BCAP29: variants seen among roughly 807,000 people sequenced by gnomAD.
BCAP29 encodes the protein B cell receptor associated protein 29.
BCAP29 carries 34 observed loss-of-function variants against 31.8 expected under a neutral mutation model. The ratio of observed to expected loss-of-function variants is 1.07; its 90% CI spans 0.81 to 1.42. The LOEUF (loss-of-function observed/expected upper bound fraction) is 1.42, where lower values mean the gene tolerates loss of function less well. Among genes scored for constraint, BCAP29 ranks in the 40% most tolerant of loss-of-function variants. The pLI is 0.00. For missense variants in BCAP29, 314 were observed against 269.2 expected (o/e 1.17, Z -1.16); for synonymous variants, 104 against 91.3 (o/e 1.14, Z -0.79).
chr7:107,589,220 C>T (rs1236839040), intron 3 of BCAP29, among the ~76,000 whole-genome samples: 4 of 152,140 alleles, frequency 2.6e-5, no homozygotes, highest in African/African-American at 9.7e-5. Context: ...TTTCCATATG[C>T]AGGAGCAGGG....
intron 6 of BCAP29, among the ~76,000 whole-genome samples, chr7:107,602,262 G>A (rs911943551): frequency 1.3e-5 from 2 of 152,084 alleles, no homozygotes; most frequent in Non-Finnish European, 2.9e-5. Flanking sequence ...TTTACCCTAA[G>A]TTTTTTTAAA....
chr7:107,593,864 G>GTTT (rs1446765982), intron 3 of BCAP29, 91 bp from the exon 4 acceptor site: 1 of 1,304,886 alleles, frequency 7.7e-7, no homozygotes, highest in African/African-American at 1.5e-5. Context: ...TTATTTAAAA[G>GTTT]TTTGGTCAGT....
intron 5 of BCAP29, among the ~76,000 whole-genome samples, chr7:107,596,221 T>G (rs2129239491): frequency 6.6e-6 from 1 of 152,316 alleles, no homozygotes; most frequent in South Asian, 2.1e-4. Context: ...TTGCTTTTTC[T>G]CCATAGTGGA....
chr7:107,595,601 C>G (rs1317588240), intron 4 of BCAP29, among the ~76,000 whole-genome samples: 1 of 152,164 alleles, frequency 6.6e-6, no homozygotes, highest in Non-Finnish European at 1.5e-5. Flanking sequence ...TCTATTCCTC[C>G]AAGCTAAAGC....
At chr7:107,581,298 G>A (rs1243517928) in intron 2 of BCAP29, among the ~76,000 whole-genome samples, 1 of 152,146 alleles carries the variant, frequency 6.6e-6, no homozygotes, top group African/African-American at 2.4e-5. Flanking sequence ...AGAAACCAAA[G>A]CCAATAAATT....
At chr7:107,591,641 T>C (rs4990591) in intron 3 of BCAP29, among the ~76,000 whole-genome samples, 449 of 41,566 alleles carry the variant, frequency 0.011, 9 homozygotes, top group African/African-American at 0.017. Flanking sequence ...CATACACACA[T>C]ACACACACAC....
At chr7:107,580,698 G>C (rs1806463022) in intron 1 of BCAP29, 61 bp from the exon 2 acceptor site, 1 of 1,177,402 alleles carries the variant, frequency 8.5e-7, no homozygotes, top group East Asian at 2.7e-5. Flanking sequence ...CTGCGCCTCG[G>C]GGCCTTGAAC....
chr7:107,596,001 G>T lies in BCAP29; in HGVS notation c.479G>T (p.Arg160Met). 1 of 1,563,514 alleles carries T rather than the reference G, an allele frequency of 6.4e-7. No homozygotes were observed. The highest frequency in any genetic ancestry group is 1.2e-5 in the South Asian group (1 of 81,978). Residue 160 changes from arginine to methionine, a missense_variant and splice_region_variant, in exon 5 of 8, where the codon AGG becomes ATG. Physicochemically the swap from Arg to Met is moderately conservative, Grantham distance 91. Transcript: ENST00000005259. Reference sequence around the variant, plus strand: ...ATGGAAGAAAACGAAAAACTAAAAAGGGTATTTAATTTTCTTTGTAAAAAT... The same window carrying T: ...ATGGAAGAAAACGAAAAACTAAAAATGGTATTTAATTTTCTTTGTAAAAAT... ...KFMEENEKLK[R>M]ILKSHGKDEE...
chr7:107,608,561 C>A (rs1165758424), intron 6 of BCAP29, among the ~76,000 whole-genome samples: 1 of 152,028 alleles, frequency 6.6e-6, no homozygotes, highest in East Asian at 1.9e-4. Context: ...TTTCCTGCCC[C>A]ATTCTTAGAA....
intron 6 of BCAP29, among the ~76,000 whole-genome samples, chr7:107,607,698 G>A (rs1248418052): frequency 2.1e-5 from 3 of 146,194 alleles, no homozygotes; most frequent in African/African-American, 5.1e-5. Flanking sequence ...GTGCAGTGGC[G>A]CAATCTTGGC....
intron 5 of BCAP29, among the ~76,000 whole-genome samples, chr7:107,599,298 AT>A (rs1810656400): frequency 3.2e-5 from 1 of 31,548 alleles, no homozygotes; most frequent in Non-Finnish European, 6.1e-5. Flanking sequence ...TATATAAATT[AT>A]ATATAAATTT....
chr7:107,623,251 G>C (rs1053129172), downstream of BCAP29: 4 of 152,126 alleles, frequency 2.6e-5, no homozygotes, highest in Non-Finnish European at 4.4e-5. Flanking sequence ...GTCCTATGCA[G>C]CACAAAACCT....
intron 3 of BCAP29, among the ~76,000 whole-genome samples, chr7:107,593,347 T>G (rs1809223288): frequency 6.6e-6 from 1 of 152,322 alleles, no homozygotes; most frequent in Non-Finnish European, 1.5e-5. Flanking sequence ...TTCCCCTGCA[T>G]CTGAGACTTC....
Position 107,599,040 on chromosome 7 carries a change from G to GTA in BCAP29, c.481-1348_481-1347dup, listed in dbSNP as rs1169758861. ...ATATATAAATTTATATTAAAAATTT[G>GTA]TATATATATAAAATATATTTATAAA... On this transcript the variant is annotated intron_variant, in intron 5 of 7. Coordinates refer to ENST00000005259, the MANE Select transcript of BCAP29 (RefSeq NM_018844.4). 6.9e-3 allele frequency among the ~76,000 whole-genome samples: 841 copies of GTA among 121,434 alleles called. 23 individuals carry two copies. Among genetic ancestry groups the GTA allele is most frequent in the African/African-American group, 0.027 (796 of 29,978 alleles). The allele number at this position is 121,434 out of a possible 152,430, so 79.7% of individuals were successfully genotyped here. A position where few individuals can be genotyped will look rare whatever the true frequency, so the allele number is the denominator to read the frequency against.
At chr7:107,598,240 G>A (rs1453750151) in intron 5 of BCAP29, among the ~76,000 whole-genome samples, 1 of 152,178 alleles carries the variant, frequency 6.6e-6, no homozygotes, top group Non-Finnish European at 1.5e-5. Context: ...ATTCAGTGAA[G>A]TAATAGCTGG....
chr7:107,609,606 C>G (rs1044139690), intron 6 of BCAP29, among the ~76,000 whole-genome samples: 1 of 152,072 alleles, frequency 6.6e-6, no homozygotes, highest in Admixed American at 6.6e-5. Flanking sequence ...CTACACAGAC[C>G]TCACAATATA....
At chr7:107,609,870 CAAATA>C (rs1466327047) in intron 6 of BCAP29, among the ~76,000 whole-genome samples, 1 of 152,148 alleles carries the variant, frequency 6.6e-6, no homozygotes, top group Non-Finnish European at 1.5e-5. Context: ...GGAAATTTTT[CAAATA>C]AAATATGTTT....
At chr7:107,599,487 TC>T (rs933975356) in intron 5 of BCAP29, among the ~76,000 whole-genome samples, 2 of 144,472 alleles carry the variant, frequency 1.4e-5, no homozygotes, top group African/African-American at 5.1e-5. Flanking sequence ...ACCACTGTAC[TC>T]CAGCCTGGGT....
At chr7:107,592,764 T>G (rs953754627) in intron 3 of BCAP29, among the ~76,000 whole-genome samples, 4 of 152,236 alleles carry the variant, frequency 2.6e-5, no homozygotes, top group Non-Finnish European at 5.9e-5. Flanking sequence ...AGTAATGAAG[T>G]ACTGACACAT....
Sources: allele counts gnomAD v4.1 joint callset (sites outside exome capture counted in the v4.1 genomes callset), GRCh38; gene constraint gnomAD v4.1.1; transcripts MANE v1.5; gene names NCBI Gene and HGNC (gene_info 2026-07-23, HGNC 2026-07-21).